Variants in ALKBH1 observed in about 807,000 individuals in gnomAD.
ALKBH1 encodes alkB homolog 1, histone H2A dioxygenase, also known as nucleic acid dioxygenase ALKBH1.
ALKBH1 carries 31 observed loss-of-function variants against 36.6 expected under a neutral mutation model. That is an observed-to-expected ratio of 0.85 (90% CI 0.64 to 1.14). ALKBH1 has a LOEUF of 1.14. ALKBH1 is among the 50% of genes most tolerant of loss of function. The pLI is 0.00. For missense variants in ALKBH1, 490 were observed against 497.3 expected (o/e 0.99, Z 0.14); for synonymous variants, 183 against 186.6 (o/e 0.98, Z 0.16).
intron 3 of ALKBH1, among the ~76,000 whole-genome samples, chr14:77,684,295 GC>G (rs1375446332): frequency 1.3e-5 from 2 of 151,992 alleles, no homozygotes; most frequent in Non-Finnish European, 2.9e-5. Context: ...CACTATTCTA[GC>G]CCAAACTAAA....
intron 3 of ALKBH1, among the ~76,000 whole-genome samples, chr14:77,684,993 A>G (rs1456191447): frequency 2.6e-5 from 4 of 152,372 alleles, no homozygotes; most frequent in East Asian, 1.9e-4. Flanking sequence ...CTTTTCCACC[A>G]AAAGATTTAG....
intron 1 of ALKBH1, among the ~76,000 whole-genome samples, chr14:77,705,110 A>G (rs1018168660): frequency 1.3e-5 from 2 of 152,178 alleles, no homozygotes; most frequent in East Asian, 3.9e-4. Context: ...CAAGCTGGAC[A>G]GGGTGAGAAA....
Sources: gnomAD v4.1 joint callset for allele counts (sites outside exome capture counted in the v4.1 genomes callset) on GRCh38, gnomAD v4.1.1 for gene constraint, MANE v1.5 for transcripts, NCBI Gene and HGNC (gene_info 2026-07-23, HGNC 2026-07-21) for gene names.